MCF2L: variants seen among roughly 807,000 people sequenced by gnomAD.
The protein encoded by MCF2L is guanine nucleotide exchange factor DBS.
MCF2L carries 97 observed loss-of-function variants against 153.4 expected under a neutral mutation model. That is an observed-to-expected ratio of 0.63 (90% CI 0.54 to 0.75). MCF2L has a LOEUF of 0.75. MCF2L is among the 30% of genes least tolerant of loss of function. The pLI, the probability that MCF2L is intolerant of heterozygous loss-of-function variation, is 0.00. For missense variants in MCF2L, 1,347 were observed against 1,495.2 expected (o/e 0.90, Z 1.64); for synonymous variants, 659 against 632.2 (o/e 1.04, Z -0.64).
intron 2 of MCF2L, among the ~76,000 whole-genome samples, chr13:112,919,794 C>T (rs2081334942): frequency 6.6e-6 from 1 of 152,172 alleles, no homozygotes; most frequent in Non-Finnish European, 1.5e-5. Flanking sequence ...CCATCTGTAA[C>T]TCCAAAATGC....
At position 113,046,732 on chromosome 13, in the gene MCF2L, C is replaced by A. The variant is rs969199344; in HGVS notation, c.369+1371C>A. ...TGCACCCCCACGGCACCTCTCTGCC[C>A]CTCGCCGCGGCGGATCCCCGTTCCT... On this transcript the variant is annotated intron_variant, in intron 4 of 29. Transcript: ENST00000535094. This position sits in a 1 kb window ranked among gnomAD's most constrained non-coding sequence, Gnocchi z 4.4. The A allele has an allele frequency of 8.1e-6, 4 of 491,830 alleles. No individual in the cohort carries two copies. The highest frequency in any genetic ancestry group is 1.3e-5 in the Non-Finnish European group (3 of 238,796). 30.5% of individuals were successfully genotyped at this position (491,830 alleles called of 1,614,324 possible). A position where few individuals can be genotyped will look rare whatever the true frequency, so the allele number is the denominator to read the frequency against.
intron 1 of MCF2L, among the ~76,000 whole-genome samples, chr13:113,007,916 C>CTTTTTTTTTTT (rs55800416): frequency 8.9e-6 from 1 of 112,966 alleles, no homozygotes. Flanking sequence ...TTTTCTTTTT[C>CTTTTTTTTTTT]TTTTTTTTTT....
At chr13:113,056,479 GTGTT>G (rs200824253) in intron 4 of MCF2L, among the ~76,000 whole-genome samples, 218 of 149,332 alleles carry the variant, frequency 1.5e-3, no homozygotes, top group African/African-American at 5.2e-3. Context: ...TGGGTGCTGA[GTGTT>G]TGGGTGCTGA....
chr13:113,091,295 T>C (rs2035187145), intron 26 of MCF2L: 6 of 1,043,736 alleles, frequency 5.7e-6, no homozygotes, highest in South Asian at 1.4e-5. Context: ...AGGGGGATGC[T>C]CTCGTGGGTC....
chr13:113,060,558 C>A (rs370693990), intron 4 of MCF2L, 35 bp from the exon 5 acceptor site: 15 of 1,607,414 alleles, frequency 9.3e-6, no homozygotes, highest in Non-Finnish European at 1.2e-5. Context: ...CTGCAGAGCA[C>A]GCTGCAGGCC....
rs371454021 is a variant in MCF2L at position 113,088,425 on chromosome 13, A to G, written c.2767+20A>G. ...GTAGAGGTGAGGCTGTCTTCAAGCG[A>G]TCGTTTCCCGTAGCTTCCGCTCCAG... On this transcript the variant is annotated intron_variant, in intron 24 of 29. Transcript: ENST00000535094. 8.1e-6 allele frequency: 13 copies of G among 1,613,520 alleles called. No homozygotes were observed. The highest frequency in any genetic ancestry group is 1.0e-5 in the Non-Finnish European group (12 of 1,179,808).
intron 4 of MCF2L, among the ~76,000 whole-genome samples, chr13:113,057,825 C>G (rs1198707544): frequency 7.1e-6 from 1 of 139,922 alleles, no homozygotes; most frequent in Non-Finnish European, 1.5e-5. Context: ...TGTTTGGGCA[C>G]TGTGTGGGCG....
chr13:113,013,496 C>T (rs1464087769), intron 1 of MCF2L, among the ~76,000 whole-genome samples: 8 of 152,226 alleles, frequency 5.3e-5, no homozygotes, highest in East Asian at 3.9e-4. Flanking sequence ...CTTTGTGTTC[C>T]ACTGTGTCCC....
chr13:112,901,434 G>A (rs1322623564), intron 1 of MCF2L, among the ~76,000 whole-genome samples: 10 of 152,314 alleles, frequency 6.6e-5, no homozygotes, highest in African/African-American at 9.6e-5. Context: ...GATTACAGGC[G>A]TGAGCCACAA....
intron 2 of MCF2L, among the ~76,000 whole-genome samples, chr13:113,017,429 C>T (rs2084604503): frequency 6.6e-6 from 1 of 152,220 alleles, no homozygotes; most frequent in Non-Finnish European, 1.5e-5. Context: ...GCCTTTCTCC[C>T]GGGACACCCG....
In MCF2L at chr13:113,094,609, G is replaced by A. The variant is rs751460704; in HGVS notation, c.3049G>A (p.Asp1017Asn). 2 of 1,612,042 alleles carry A rather than the reference G, an allele frequency of 1.2e-6. No individual in the cohort carries two copies. The highest frequency in any genetic ancestry group is 3.3e-5 in the Admixed American group (2 of 59,880). The change falls in exon 27 of 30, where the codon GAC becomes AAC. Residue 1017 changes from aspartate (D) to asparagine (N), a missense_variant. Coordinates refer to ENST00000535094, the MANE Select transcript of MCF2L (RefSeq NM_001112732.3). ...EQINSSDAEEDGGLGPKKLVP... is the reference protein window; with the variant it reads ...EQINSSDAEENGGLGPKKLVP... ...GATTAACTCGTCCGACGCAGAGGAG[G>A]ACGGCGGGTTGGGCCCCAAGAAGCT...
chr13:112,925,870 G>C (rs899545835), intron 2 of MCF2L, among the ~76,000 whole-genome samples: 23 of 151,882 alleles, frequency 1.5e-4, no homozygotes, highest in Non-Finnish European at 2.6e-4. Flanking sequence ...TGCATGAGAA[G>C]AAAACAAGAA....
At chr13:113,085,214 G>A (rs774347120) in intron 20 of MCF2L, 36 bp downstream of exon 20, 1 of 1,589,460 alleles carries the variant, frequency 6.3e-7, no homozygotes, top group East Asian at 2.2e-5. Context: ...GGCCTCCCCA[G>A]CACCTGCTGG....
At chr13:112,999,740 C>G (rs1286468382) in intron 1 of MCF2L, among the ~76,000 whole-genome samples, 1 of 152,232 alleles carries the variant, frequency 6.6e-6, no homozygotes, top group Non-Finnish European at 1.5e-5. Flanking sequence ...GAGGTGAGGA[C>G]ACGTTGGACT....
chr13:113,091,327 C>T (rs1430627917), intron 26 of MCF2L: 10 of 706,122 alleles, frequency 1.4e-5, no homozygotes, highest in Non-Finnish European at 1.9e-5. Flanking sequence ...GAGGCAGACA[C>T]GCGGTTGTGT....
intron 2 of MCF2L, among the ~76,000 whole-genome samples, chr13:113,018,110 C>T (rs1301814084): frequency 6.6e-6 from 1 of 152,198 alleles, no homozygotes; most frequent in Non-Finnish European, 1.5e-5. Flanking sequence ...CAGCTCTGTC[C>T]AGATCCTGGA....
intron 17 of MCF2L, 138 bp downstream of exon 17, chr13:113,082,680 G>C: frequency 1.5e-6 from 1 of 650,640 alleles, no homozygotes; most frequent in Non-Finnish European, 2.8e-6. Context: ...GACTCACAGA[G>C]GCACAGGCTT....
Position 113,060,690 on chromosome 13 carries a change from A to G in MCF2L, c.467A>G (p.Asp156Gly). The G allele has an allele frequency of 6.2e-7, 1 of 1,613,432 alleles. No individual in the cohort carries two copies. Among genetic ancestry groups the G allele is most frequent in the South Asian group, 1.1e-5 (1 of 91,082 alleles). The change falls in exon 5 of 30, where the codon GAT (aspartate) becomes GGT (glycine). Residue 156 changes from aspartate (D) to glycine (G), a missense_variant. Around this residue, in one of 3 missense-constraint regions of MCF2L, gnomAD observed 820 missense variants for 921.2 expected, o/e 0.89. Transcript: ENST00000535094. ...GACATCGCTTTCAAATTCAATAGAG[A>G]TGACTTTAAGATGAAGGTGCCGGTA... is the stretch of plus-strand genomic sequence containing the variant. Reference protein sequence around the residue: ...LSDIAFKFNRDDFKMKVPVIM... With the variant: ...LSDIAFKFNRGDFKMKVPVIM...
chr13:112,934,183 C>T (rs1181741585), intron 2 of MCF2L, among the ~76,000 whole-genome samples: 2 of 152,208 alleles, frequency 1.3e-5, no homozygotes, highest in African/African-American at 4.8e-5. Context: ...CATGGAAGCC[C>T]CCTGCTTGCC....
Sources: allele counts gnomAD v4.1 joint callset (sites outside exome capture counted in the v4.1 genomes callset), GRCh38; gene constraint gnomAD v4.1.1; regional missense constraint gnomAD v4.1.1; non-coding constraint Gnocchi (gnomAD v3.1); transcripts MANE v1.5; gene names NCBI Gene and HGNC (gene_info 2026-07-23, HGNC 2026-07-21).